Variants in TCF7L1 observed in about 807,000 individuals in gnomAD.
TCF7L1 encodes the protein transcription factor 7-like 1.
In TCF7L1, 18 loss-of-function variants were observed where a neutral mutation model predicts 63.7. The ratio of observed to expected loss-of-function variants is 0.28; its 90% CI spans 0.20 to 0.42. The LOEUF (loss-of-function observed/expected upper bound fraction) is 0.42, where lower values mean the gene tolerates loss of function less well. Among genes scored for constraint, TCF7L1 ranks in the 10% least tolerant of loss-of-function variants. TCF7L1 has a pLI of 1.00. For synonymous variants in TCF7L1, 355 were observed against 340.9 expected, an observed-to-expected ratio of 1.04 and a Z score of -0.46; for missense variants, 654 against 779.3, an observed-to-expected ratio of 0.84 and a Z score of 1.91.
At chr2:85,145,092 A>G (rs1355919386) in intron 3 of TCF7L1, among the ~76,000 whole-genome samples, 3 of 151,884 alleles carry the variant, frequency 2.0e-5, no homozygotes, top group South Asian at 2.1e-4. Flanking sequence ...AAATCATGAC[A>G]TTCCATACTT....
chr2:85,179,983 T>C (rs1419089316), intron 3 of TCF7L1, among the ~76,000 whole-genome samples: 1 of 152,122 alleles, frequency 6.6e-6, no homozygotes, highest in Non-Finnish European at 1.5e-5. Context: ...ATTTTAATAA[T>C]TGTTAATGGC....
rs61188225 is a variant in TCF7L1, at chr2:85,207,923, C to T, written c.441+73473C>T. ...TATTAAATGCATTTTTTTTGGGGGGCGGGGACAGAGTCTTGCTCTGTCGCC... is the reference window on the plus strand; with the variant it reads ...TATTAAATGCATTTTTTTTGGGGGGTGGGGACAGAGTCTTGCTCTGTCGCC... On this transcript the variant is annotated intron_variant, in intron 3 of 11. Coordinates refer to ENST00000282111, the MANE Select transcript of TCF7L1 (RefSeq NM_031283.3). 7.9e-5 allele frequency among the ~76,000 whole-genome samples: 12 copies of T among 151,802 alleles called. No individual in the cohort carries two copies. The South Asian group carries it at 8.4e-4, about 11-fold the overall frequency.
chr2:85,284,316 G>A (rs776116351), intron 4 of TCF7L1, among the ~76,000 whole-genome samples: 7 of 152,116 alleles, frequency 4.6e-5, no homozygotes, highest in South Asian at 2.1e-4. Flanking sequence ...GGCCGAAGAG[G>A]CTCTTCTGTA....
chr2:85,247,452 C>G (rs1364256620), intron 3 of TCF7L1, among the ~76,000 whole-genome samples: 1 of 152,186 alleles, frequency 6.6e-6, no homozygotes, highest in Non-Finnish European at 1.5e-5. Flanking sequence ...TCCAATGAGA[C>G]CTTTTGTTTT....
chr2:85,154,631 C>G (rs1330576107), intron 3 of TCF7L1, among the ~76,000 whole-genome samples: 1 of 152,186 alleles, frequency 6.6e-6, no homozygotes, highest in African/African-American at 2.4e-5. Flanking sequence ...TCTCAGCTCT[C>G]TGTACTTGAG....
intron 3 of TCF7L1, among the ~76,000 whole-genome samples, chr2:85,268,357 C>A (rs1300807923): frequency 6.6e-6 from 1 of 152,198 alleles, no homozygotes; most frequent in Non-Finnish European, 1.5e-5. Flanking sequence ...GAAGGACTTG[C>A]ACCTCTAATT....
chr2:85,220,361 A>T (rs6547599), intron 3 of TCF7L1, among the ~76,000 whole-genome samples: 97,881 of 151,054 alleles, frequency 0.65, 33,043 homozygotes, highest in African/African-American at 0.84. Flanking sequence ...CTTAAAAAAA[A>T]ATATATATAT....
chr2:85,242,339 C>T (rs1406700071), intron 3 of TCF7L1, among the ~76,000 whole-genome samples: 1 of 152,218 alleles, frequency 6.6e-6, no homozygotes, highest in Non-Finnish European at 1.5e-5. Flanking sequence ...CAAATCCACA[C>T]TTTTCCATTT....
chr2:85,198,865 A>T (rs1357826909), intron 3 of TCF7L1, among the ~76,000 whole-genome samples: 1 of 152,174 alleles, frequency 6.6e-6, no homozygotes, highest in African/African-American at 2.4e-5. Flanking sequence ...TTTCTCCAAA[A>T]TAAAAAGAAA....
chr2:85,234,121 T>G (rs1273703175), intron 3 of TCF7L1, among the ~76,000 whole-genome samples: 2 of 150,066 alleles, frequency 1.3e-5, no homozygotes, highest in Non-Finnish European at 3.0e-5. Context: ...TTTCTTTTCT[T>G]TTTTCTTTTC....
At chr2:85,149,326 C>T (rs2568220) in intron 3 of TCF7L1, among the ~76,000 whole-genome samples, 3 of 150,022 alleles carry the variant, frequency 2.0e-5, no homozygotes, top group Admixed American at 6.7e-5. Flanking sequence ...CACATATACA[C>T]ATATGTGTGT....
At chr2:85,302,740 T>C in intron 5 of TCF7L1, 124 bp downstream of exon 5, 1 of 1,289,112 alleles carries the variant, frequency 7.8e-7, no homozygotes, top group South Asian at 1.4e-5. Context: ...CTCAGGAGTC[T>C]TTGGACCTTG....
intron 4 of TCF7L1, among the ~76,000 whole-genome samples, chr2:85,301,896 C>T (rs141553072): frequency 0.019 from 2,941 of 152,184 alleles, 42 homozygotes; most frequent in Non-Finnish European, 0.028. Flanking sequence ...GAGGCCGAGG[C>T]GGGTGGATCA....
Position 85,309,089 on chromosome 2 carries a change from G to A in TCF7L1, c.1394G>A (p.Cys465Tyr). The A allele has an allele frequency of 6.2e-7, 1 of 1,613,072 alleles. No individual in the cohort carries two copies. Among genetic ancestry groups the A allele is most frequent in the South Asian group, 1.1e-5 (1 of 91,018 alleles). ...CAGTACCTGCCCCCCGAGAAGCCCTGTGACAGCCCTGCCTCCTCCCACGGG... is the reference window on the plus strand; with the variant it reads ...CAGTACCTGCCCCCCGAGAAGCCCTATGACAGCCCTGCCTCCTCCCACGGG... ...CVQYLPPEKP[C>Y]DSPASSHGSM... Residue 465 changes from cysteine to tyrosine, a missense_variant, in exon 12 of 12, where the codon TGT (cysteine) becomes TAT (tyrosine). Transcript: ENST00000282111.
In TCF7L1 at chr2:85,169,965, A is replaced by C. The variant is rs1678510402; in HGVS notation, c.441+35515A>C. On this transcript the variant is annotated intron_variant, in intron 3 of 11. Transcript: ENST00000282111. ...TTTTGAGATAATTGTGAAAGATCCA[A>C]ATTGAAAAAGAAGAGCCAACAATAC... Among the ~76,000 whole-genome samples, 5 of 152,252 alleles carry C rather than the reference A, an allele frequency of 3.3e-5. No individual in the cohort carries two copies. In the South Asian group the frequency reaches 1.0e-3, roughly 31 times the overall value.
At chr2:85,151,117 A>G (rs1431992701) in intron 3 of TCF7L1, among the ~76,000 whole-genome samples, 5 of 152,168 alleles carry the variant, frequency 3.3e-5, no homozygotes, top group African/African-American at 1.2e-4. Flanking sequence ...TTATGTCTGG[A>G]TCAAAGATGA....
At chr2:85,260,892 A>T (rs1680843252) in intron 3 of TCF7L1, among the ~76,000 whole-genome samples, 1 of 152,116 alleles carries the variant, frequency 6.6e-6, no homozygotes, top group Non-Finnish European at 1.5e-5. Flanking sequence ...CCACTCTGGG[A>T]TGTAAAAGAA....
At chr2:85,292,425 T>C (rs1352616507) in intron 4 of TCF7L1, among the ~76,000 whole-genome samples, 2 of 152,182 alleles carry the variant, frequency 1.3e-5, no homozygotes, top group Non-Finnish European at 2.9e-5. Flanking sequence ...GATTTAACTT[T>C]CTGTGATGTT....
intron 3 of TCF7L1, among the ~76,000 whole-genome samples, chr2:85,201,486 A>G (rs1367302218): frequency 6.6e-6 from 1 of 152,222 alleles, no homozygotes; most frequent in Non-Finnish European, 1.5e-5. Flanking sequence ...TTTCTAGGCT[A>G]CATAGTTTAC....
Sources: allele counts gnomAD v4.1 joint callset (sites outside exome capture counted in the v4.1 genomes callset), GRCh38; gene constraint gnomAD v4.1.1; transcripts MANE v1.5; gene names NCBI Gene and HGNC (gene_info 2026-07-23, HGNC 2026-07-21).